The following CLIC5 variants were observed in gnomAD, a reference collection of about 807,000 sequenced individuals.
The protein encoded by CLIC5 is CLIC family member 5, also known as chloride intracellular channel protein 5.
Under a neutral mutation model 24.7 loss-of-function variants are expected in CLIC5, and 20 were observed. The observed-to-expected ratio is 0.81, with a 90% CI of 0.57 to 1.18. CLIC5 has a LOEUF of 1.18. Among genes scored for constraint, CLIC5 ranks in the 50% most tolerant of loss-of-function variants. The probability of loss-of-function intolerance (pLI) is 0.00; values close to 1 mark genes in which losing one functional copy is unlikely to be tolerated. For synonymous variants in CLIC5, 159 were observed against 135.6 expected (o/e 1.17, Z -1.20); for missense variants, 341 against 326.1 (o/e 1.05, Z -0.35).
At chr6:46,108,597 C>A in the CLIC5 span, among the ~76,000 whole-genome samples, 1 of 152,092 alleles carries the variant, frequency 6.6e-6, no homozygotes, top group Non-Finnish European at 1.5e-5. Flanking sequence ...CAGGGTTTCA[C>A]CATGTTGGCC....
chr6:45,891,512 T>A, intron 6 of CLIC5, among the ~76,000 whole-genome samples: 1 of 151,432 alleles, frequency 6.6e-6, no homozygotes, highest in East Asian at 1.9e-4. Context: ...GGCACATGCC[T>A]GTAGTCCCTG....
chr6:46,027,775 T>A (rs969215642), intron 1 of CLIC5, among the ~76,000 whole-genome samples: 2 of 152,194 alleles, frequency 1.3e-5, no homozygotes, highest in Admixed American at 6.5e-5. Flanking sequence ...TTCCTCACAC[T>A]TGGTTTTGCT....
chr6:46,062,573 A>ATGCCTTCGAGCCCAGTTTTCTAACCTT (rs1762315135), intron 1 of CLIC5, among the ~76,000 whole-genome samples: 1 of 152,208 alleles, frequency 6.6e-6, no homozygotes, highest in African/African-American at 2.4e-5. Flanking sequence ...AAAGTGGGAC[A>ATGCCTTCGAGCCCAGTTTTCTAACCTT]TGCCTTCGAG....
intron 1 of CLIC5, among the ~76,000 whole-genome samples, chr6:45,979,045 G>A (rs181318687): frequency 3.9e-4 from 59 of 152,128 alleles, no homozygotes; most frequent in East Asian, 3.3e-3. Flanking sequence ...GCACAACAGG[G>A]TGGGATACAC....
intron 1 of CLIC5, among the ~76,000 whole-genome samples, chr6:45,999,290 C>G (rs1052556650): frequency 2.9e-4 from 44 of 152,126 alleles, no homozygotes; most frequent in Non-Finnish European, 1.8e-4. Flanking sequence ...CTGTAATGCT[C>G]TATTACTTGA....
chr6:46,030,475 C>T (rs977738945), intron 1 of CLIC5, among the ~76,000 whole-genome samples: 9 of 152,170 alleles, frequency 5.9e-5, no homozygotes, highest in African/African-American at 1.9e-4. Context: ...ATCCATCCTT[C>T]TCTTGGTAGC....
At chr6:46,009,698 A>G (rs1314543232) in intron 1 of CLIC5, among the ~76,000 whole-genome samples, 1 of 152,184 alleles carries the variant, frequency 6.6e-6, no homozygotes, top group Non-Finnish European at 1.5e-5. Context: ...GGCTATGCAT[A>G]GCTGGAAGAT....
the CLIC5 span, among the ~76,000 whole-genome samples, chr6:46,096,583 C>G: frequency 6.6e-6 from 1 of 152,204 alleles, no homozygotes; most frequent in Admixed American, 6.5e-5. Context: ...CTCCATGTAG[C>G]TGCTTGGTGT....
At chr6:45,957,900 C>T (rs1052182688) in intron 1 of CLIC5, among the ~76,000 whole-genome samples, 4 of 152,052 alleles carry the variant, frequency 2.6e-5, no homozygotes, top group African/African-American at 9.7e-5. Flanking sequence ...AGTTGGGCCC[C>T]ACATCCTGAA....
chr6:46,001,825 T>C (rs917704806), intron 1 of CLIC5, among the ~76,000 whole-genome samples: 6 of 152,150 alleles, frequency 3.9e-5, no homozygotes, highest in Admixed American at 3.9e-4. Flanking sequence ...ACAATCACAA[T>C]ATATCTAAAG....
the CLIC5 span, among the ~76,000 whole-genome samples, chr6:46,088,941 C>T: frequency 6.6e-6 from 1 of 152,202 alleles, no homozygotes; most frequent in East Asian, 1.9e-4. Flanking sequence ...CTTTACAAAG[C>T]ACAAAGGGTA....
At chr6:45,954,287 A>AG (rs1481685309) in intron 2 of CLIC5, among the ~76,000 whole-genome samples, 1 of 151,684 alleles carries the variant, frequency 6.6e-6, no homozygotes, top group East Asian at 1.9e-4. Flanking sequence ...AAAAAAAAAA[A>AG]AAAAGAAAGA....
At chr6:45,925,760 G>C (rs558723923) in intron 4 of CLIC5, among the ~76,000 whole-genome samples, 2 of 152,266 alleles carry the variant, frequency 1.3e-5, no homozygotes, top group African/African-American at 4.8e-5. Flanking sequence ...TATGTAATAA[G>C]CTTTAACTCT....
chr6:45,988,859 G>A (rs927537994), intron 1 of CLIC5, among the ~76,000 whole-genome samples: 1 of 152,174 alleles, frequency 6.6e-6, no homozygotes, highest in African/African-American at 2.4e-5. Context: ...GCCAGACTCC[G>A]ACCTCTGGCA....
chr6:45,941,444 C>A, intron 4 of CLIC5, 103 bp downstream of exon 4: 1 of 889,472 alleles, frequency 1.1e-6, no homozygotes, highest in Non-Finnish European at 1.9e-6. Flanking sequence ...GTTCCAGATG[C>A]TTCTCTGGCC....
chr6:46,052,124 T>C (rs530470403), intron 1 of CLIC5, among the ~76,000 whole-genome samples: 2 of 93,722 alleles, frequency 2.1e-5, no homozygotes, highest in South Asian at 6.3e-4. Context: ...GAGATTTCCC[T>C]GAAAAAAAAA....
chr6:46,109,513 T>TAAAAAAAA, the CLIC5 span, among the ~76,000 whole-genome samples: 19 of 47,182 alleles, frequency 4.0e-4, 1 homozygote, highest in African/African-American at 1.9e-3. Context: ...CAGTCTCCAC[T>TAAAAAAAA]AAAAAAAAAA....
the CLIC5 span, among the ~76,000 whole-genome samples, chr6:46,117,284 A>C: frequency 1.3e-5 from 2 of 152,130 alleles, no homozygotes; most frequent in Non-Finnish European, 2.9e-5. Flanking sequence ...ATCATGAGAC[A>C]CCCAGTGCCT....
At chr6:46,020,445 T>C (rs918981488), upstream of CLIC5, among the ~76,000 whole-genome samples, 3 of 152,098 alleles carry the variant, frequency 2.0e-5, no homozygotes, top group Non-Finnish European at 2.9e-5. Context: ...TAGAAATTTA[T>C]ACATAAAACA....
Sources: allele counts gnomAD v4.1 joint callset (sites outside exome capture counted in the v4.1 genomes callset), GRCh38; gene constraint gnomAD v4.1.1; transcripts MANE v1.5; gene names NCBI Gene and HGNC (gene_info 2026-07-23, HGNC 2026-07-21).